The following SH3BGRL variants were observed in gnomAD, a reference collection of about 807,000 sequenced individuals.
SH3BGRL encodes the protein SH3 domain binding glutamate rich protein like, also known as adapter SH3BGRL.
Under a neutral mutation model 9.8 loss-of-function variants are expected in SH3BGRL, and 7 were observed. That is an observed-to-expected ratio of 0.72 (90% confidence interval 0.41 to 1.35). The LOEUF (loss-of-function observed/expected upper bound fraction) is 1.35. Ranked by LOEUF, SH3BGRL falls within the 40% of genes most tolerant of loss-of-function variation. The probability of loss-of-function intolerance (pLI) is 0.01; values close to 1 mark genes in which losing one functional copy is unlikely to be tolerated. For missense variants in SH3BGRL, 73 were observed against 84.4 expected, an observed-to-expected ratio of 0.86 and a Z score of 0.53; for synonymous variants, 36 against 29.1, an observed-to-expected ratio of 1.24 and a Z score of -0.76.
chrX:81,203,187 G>T (rs1351354076), intron 1 of SH3BGRL, among the ~76,000 whole-genome samples: 2 of 112,247 alleles, frequency 1.8e-5, no homozygotes, highest in Non-Finnish European at 3.8e-5. Flanking sequence ...GAGAAAGGCA[G>T]ACAGTGGCAA....
At chrX:81,252,597 A>G (rs1273430421) in intron 1 of SH3BGRL, among the ~76,000 whole-genome samples, 1 of 111,628 alleles carries the variant, frequency 9.0e-6, no homozygotes, top group Non-Finnish European at 1.9e-5. Flanking sequence ...AAATACAGTA[A>G]CCCTAATGAT....
rs1471917927 is a variant in SH3BGRL, at chrX:81,268,417, G to T, written c.46-8567G>T. Among the ~76,000 whole-genome samples the T allele has an allele frequency of 1.5e-4, 17 of 111,705 alleles. No individual in the cohort carries two copies. The East Asian group carries it at 4.5e-3, about 30-fold the overall frequency. On this transcript the variant is annotated intron_variant, in intron 1 of 3. Coordinates refer to ENST00000373212, the MANE Select transcript of SH3BGRL (RefSeq NM_003022.3). ...TGTGTCCCAGAGATTCCGGTACATT[G>T]TATCTTTGTTCTCCTTGGTTTCAAA...
intron 1 of SH3BGRL, among the ~76,000 whole-genome samples, chrX:81,219,262 A>G (rs1452090272): frequency 9.1e-6 from 1 of 110,479 alleles, no homozygotes; most frequent in Non-Finnish European, 1.9e-5. Context: ...ATGTAGATTT[A>G]TATATGTACA....
At chrX:81,225,136 G>A (rs1013617513) in intron 1 of SH3BGRL, among the ~76,000 whole-genome samples, 5 of 110,704 alleles carry the variant, frequency 4.5e-5, no homozygotes, top group African/African-American at 1.6e-4. Flanking sequence ...GACATCTCCA[G>A]TACCAATTTT....
chrX:81,293,748 CAGA>C (rs1223850928), intron 3 of SH3BGRL, among the ~76,000 whole-genome samples: 1 of 111,743 alleles, frequency 8.9e-6, no homozygotes, highest in East Asian at 2.8e-4. Context: ...TTGGAGGGCT[CAGA>C]AGAAGACAGG....
At chrX:81,280,510 C>T (rs2075813013) in intron 3 of SH3BGRL, among the ~76,000 whole-genome samples, 1 of 111,806 alleles carries the variant, frequency 8.9e-6, no homozygotes, top group Non-Finnish European at 1.9e-5. Context: ...GTGCAGACAA[C>T]CGCCAGTACC....
chrX:81,291,306 C>T (rs544301379), intron 3 of SH3BGRL, among the ~76,000 whole-genome samples: 7 of 111,048 alleles, frequency 6.3e-5, no homozygotes, highest in South Asian at 3.9e-4. Flanking sequence ...TGGGAGGCCT[C>T]GGGAAACTTA....
At chrX:81,238,939 C>G (rs1215442887) in intron 1 of SH3BGRL, among the ~76,000 whole-genome samples, 1 of 111,781 alleles carries the variant, frequency 8.9e-6, no homozygotes, top group Admixed American at 9.5e-5. Context: ...GGTGATACCT[C>G]TATGAGTATG....
intron 3 of SH3BGRL, among the ~76,000 whole-genome samples, chrX:81,290,629 G>C (rs1377205464): frequency 9.0e-6 from 1 of 110,906 alleles, no homozygotes; most frequent in Non-Finnish European, 1.9e-5. Flanking sequence ...ACAAAAAACA[G>C]AAACAATGAG....
chrX:81,226,308 G>A (rs1054578574), intron 1 of SH3BGRL, among the ~76,000 whole-genome samples: 6 of 109,474 alleles, frequency 5.5e-5, no homozygotes, highest in Non-Finnish European at 9.5e-5. Flanking sequence ...TCTGAAAACA[G>A]CTTTTGATTA....
intron 1 of SH3BGRL, among the ~76,000 whole-genome samples, chrX:81,261,849 G>T (rs1417850962): frequency 9.0e-6 from 1 of 111,190 alleles, no homozygotes; most frequent in Non-Finnish European, 1.9e-5. Context: ...GTACTTAAAG[G>T]GTGGGAGGAA....
At chrX:81,287,664 G>T (rs948420717) in intron 3 of SH3BGRL, among the ~76,000 whole-genome samples, 14 of 110,549 alleles carry the variant, frequency 1.3e-4, no homozygotes, top group African/African-American at 4.6e-4. Context: ...GGGTGGGGGA[G>T]TAGGGGAGGG....
At chrX:81,244,116 T>G (rs1186244385) in intron 1 of SH3BGRL, among the ~76,000 whole-genome samples, 1 of 111,984 alleles carries the variant, frequency 8.9e-6, no homozygotes, top group Non-Finnish European at 1.9e-5. Context: ...GCTTTCTTTC[T>G]TGACTGCTAA....
chrX:81,205,498 G>GTATA (rs2075544291), intron 1 of SH3BGRL, among the ~76,000 whole-genome samples: 1 of 88,479 alleles, frequency 1.1e-5, no homozygotes, highest in African/African-American at 4.9e-5. Flanking sequence ...GTGTGTGTGT[G>GTATA]TGTGTGTATA....
intron 1 of SH3BGRL, among the ~76,000 whole-genome samples, chrX:81,255,895 A>C (rs2075724225): frequency 8.9e-6 from 1 of 112,378 alleles, no homozygotes; most frequent in Non-Finnish European, 1.9e-5. Flanking sequence ...ATGGAGAAAT[A>C]GCTTTTTTTC....
intron 1 of SH3BGRL, among the ~76,000 whole-genome samples, chrX:81,236,346 G>A (rs1290564536): frequency 9.0e-6 from 1 of 111,481 alleles, no homozygotes; most frequent in Non-Finnish European, 1.9e-5. Flanking sequence ...TTCTATTAAC[G>A]GGTACCTACA....
intron 1 of SH3BGRL, among the ~76,000 whole-genome samples, chrX:81,258,547 A>T (rs1241208364): frequency 8.9e-6 from 1 of 112,174 alleles, no homozygotes; most frequent in African/African-American, 3.2e-5. Flanking sequence ...GCTATTAGGA[A>T]CTCTGTGATC....
At chrX:81,219,845 C>G (rs1333415455) in intron 1 of SH3BGRL, among the ~76,000 whole-genome samples, 2 of 111,314 alleles carry the variant, frequency 1.8e-5, no homozygotes, top group South Asian at 7.4e-4. Context: ...TGAATTTTAT[C>G]AAATGCTTTT....
chrX:81,233,984 A>C (rs1002958749), intron 1 of SH3BGRL, among the ~76,000 whole-genome samples: 4 of 111,525 alleles, frequency 3.6e-5, no homozygotes, highest in African/African-American at 1.3e-4. Context: ...GATATTTTTA[A>C]ATGTCCTGTT....
Sources: allele counts gnomAD v4.1 joint callset (sites outside exome capture counted in the v4.1 genomes callset), GRCh38; gene constraint gnomAD v4.1.1; transcripts MANE v1.5; gene names NCBI Gene and HGNC (gene_info 2026-07-23, HGNC 2026-07-21).